The following KCNQ1 variants were observed in gnomAD, a reference collection of about 807,000 sequenced individuals.
KCNQ1 encodes potassium voltage-gated channel subfamily KQT member 1.
Under a neutral mutation model 72.4 loss-of-function variants are expected in KCNQ1, and 49 were observed. The ratio of observed to expected loss-of-function variants is 0.68; its 90% CI spans 0.54 to 0.86. The LOEUF (loss-of-function observed/expected upper bound fraction) is 0.86. KCNQ1 is among the 40% of genes least tolerant of loss of function. KCNQ1 has a pLI of 0.00. For missense variants in KCNQ1, 790 were observed against 945.1 expected (o/e 0.84, Z 2.15); for synonymous variants, 450 against 412.6 (o/e 1.09, Z -1.10).
chr11:2,755,899 A>G (rs990924232), intron 11 of KCNQ1, among the ~76,000 whole-genome samples: 4 of 152,266 alleles, frequency 2.6e-5, no homozygotes, highest in Non-Finnish European at 5.9e-5. Context: ...AGACAGAAAA[A>G]TGGCCAAAGA....
chr11:2,540,355 T>TG (rs1847804426), intron 2 of KCNQ1, among the ~76,000 whole-genome samples: 1 of 152,192 alleles, frequency 6.6e-6, no homozygotes, highest in African/African-American at 2.4e-5. Flanking sequence ...CTTTGCAGGT[T>TG]GGGGGGACAG....
chr11:2,461,453 T>C, intron 1 of KCNQ1: 2 of 1,286,532 alleles, frequency 1.6e-6, no homozygotes, highest in Non-Finnish European at 2.0e-6. Flanking sequence ...CTTCCTCCCC[T>C]GCAGCTTCCA....
chr11:2,723,024 C>T lies in KCNQ1; in HGVS notation c.1515-45820C>T, dbSNP rs186376786. Among the ~76,000 whole-genome samples, 14 of 152,318 alleles carry T rather than the reference C, an allele frequency of 9.2e-5. No homozygotes were observed. Among genetic ancestry groups the T allele is most frequent in the South Asian group, 4.1e-4 (2 of 4,834 alleles). ...ACCTCACACCCTTGTGGGCCAGCTG[C>T]GGCCCAAAAGCCTCCTGGCCTCCAT... On this transcript the variant is annotated intron_variant, in intron 11 of 15. Coordinates refer to ENST00000155840, the MANE Select transcript of KCNQ1 (RefSeq NM_000218.3). This position sits in a 1 kb window ranked among gnomAD's most constrained non-coding sequence, Gnocchi z 4.2.
intron 6 of KCNQ1, among the ~76,000 whole-genome samples, chr11:2,576,247 C>A (rs887090991): frequency 6.6e-6 from 1 of 152,212 alleles, no homozygotes; most frequent in Admixed American, 6.5e-5. Flanking sequence ...CCACAGCTGT[C>A]CAGCGAAGGC....
At position 2,488,672 on chromosome 11, in the gene KCNQ1, T is replaced by C. The variant is rs890433213; in HGVS notation, c.387-39256T>C. ...TCACAATACTCTCTTATAATCCTTT[T>C]TATTTCTGTAGAATTGATAGTCATG... is the stretch of plus-strand genomic sequence containing the variant. On this transcript the variant is annotated intron_variant, in intron 1 of 15. Coordinates refer to ENST00000155840, the MANE Select transcript of KCNQ1 (RefSeq NM_000218.3). This position sits in a 1 kb window ranked among gnomAD's most constrained non-coding sequence, Gnocchi z 5.1. 2.0e-5 allele frequency among the ~76,000 whole-genome samples: 3 copies of C among 152,224 alleles called. No homozygotes were observed. Among genetic ancestry groups the C allele is most frequent in the African/African-American group, 7.2e-5 (3 of 41,468 alleles).
chr11:2,609,167 A>G (rs1848933538), intron 10 of KCNQ1: 1 of 398,164 alleles, frequency 2.5e-6, no homozygotes, highest in South Asian at 1.3e-4. Context: ...TCATAGCTAT[A>G]AAATTCCATC....
intron 1 of KCNQ1, chr11:2,461,728 G>A: frequency 7.3e-7 from 1 of 1,366,668 alleles, no homozygotes. Context: ...GGTACCCCGG[G>A]GGTGGACAGA....
Position 2,507,684 on chromosome 11 carries a change from T to A in KCNQ1, c.387-20244T>A, listed in dbSNP as rs1419630450. ...CAGTAAGACCTGCAGGTGGGAGCTCTGGGGAGAGAGTGCGGGCTGGGCTCA... is the reference window on the plus strand; with the variant it reads ...CAGTAAGACCTGCAGGTGGGAGCTCAGGGGAGAGAGTGCGGGCTGGGCTCA... On this transcript the variant is annotated intron_variant, in intron 1 of 15. Coordinates refer to ENST00000155840, the MANE Select transcript of KCNQ1 (RefSeq NM_000218.3). This position sits in a 1 kb window ranked among gnomAD's most constrained non-coding sequence, Gnocchi z 5.4. Among the ~76,000 whole-genome samples the A allele has an allele frequency of 6.6e-6, 1 of 151,968 alleles. No homozygotes were observed. Among genetic ancestry groups the A allele is most frequent in the Admixed American group, 6.6e-5 (1 of 15,250 alleles).
At chr11:2,686,041 C>T (rs2133886229) in intron 11 of KCNQ1, 2 of 399,394 alleles carry the variant, frequency 5.0e-6, no homozygotes, top group Admixed American at 4.4e-5. Flanking sequence ...CCAGCTCGCA[C>T]CATCTGATGG....
intron 10 of KCNQ1, chr11:2,641,404 T>A (rs199515432): frequency 3.7e-4 from 146 of 398,376 alleles, no homozygotes; most frequent in East Asian, 1.4e-3. Context: ...CTTTTTTTTT[T>A]AAATATACCT....
intron 1 of KCNQ1, among the ~76,000 whole-genome samples, chr11:2,525,268 T>G (rs1262146194): frequency 1.3e-5 from 2 of 152,200 alleles, no homozygotes; most frequent in African/African-American, 4.8e-5. Flanking sequence ...CCAGTGCAGA[T>G]GGGCACTCAC....
Position 2,841,494 on chromosome 11 carries a change from A to G in KCNQ1, c.1795-6273A>G, listed in dbSNP as rs575975862. On this transcript the variant is annotated intron_variant, in intron 15 of 15. Coordinates refer to ENST00000155840, the MANE Select transcript of KCNQ1 (RefSeq NM_000218.3). ...GGCATGGGGGGCAGGCTCAGAGCAC[A>G]TGCTCCAGACCAGAGAGCCACAGAC... 2.0e-3 allele frequency among the ~76,000 whole-genome samples: 301 copies of G among 152,276 alleles called. 1 individual carries two copies. The highest frequency in any genetic ancestry group is 7.1e-3 in the African/African-American group (294 of 41,546).
rs907666229 is a variant in KCNQ1, at chr11:2,777,795, G to T, written c.1733-181G>T. ...CAGGTCCCCAGCTGCAGCCATGCCC[G>T]GCCACCGTACCACCCCTGGTATTTT... On this transcript the variant is annotated intron_variant, in intron 14 of 15. Coordinates refer to ENST00000155840, the MANE Select transcript of KCNQ1 (RefSeq NM_000218.3). 4.7e-6 allele frequency: 3 copies of T among 643,148 alleles called. No individual in the cohort carries two copies. The East Asian group carries it at 8.2e-5, about 17-fold the overall frequency. The allele number at this position is 643,148 out of a possible 1,614,324, so 39.8% of individuals were successfully genotyped here.
intron 1 of KCNQ1, among the ~76,000 whole-genome samples, chr11:2,514,683 C>G (rs564875432): frequency 6.6e-5 from 10 of 152,102 alleles, no homozygotes; most frequent in African/African-American, 2.4e-4. Context: ...AAAATTAGCC[C>G]GGCGTGGTGG....
chr11:2,813,185 G>A lies in KCNQ1; in HGVS notation c.1795-34582G>A, dbSNP rs151213861. The stretch of plus-strand genomic sequence containing the variant: ...TTCCTCTTGGCACCATGAGTCACCT[G>A]TCAAACTGAGGGGCTGGCAGAGCTG... On this transcript the variant is annotated intron_variant, in intron 15 of 15. Transcript: ENST00000155840. This position sits in a 1 kb window ranked among gnomAD's most constrained non-coding sequence, Gnocchi z 4.4. Among the ~76,000 whole-genome samples, 181 of 152,324 alleles carry A rather than the reference G, an allele frequency of 1.2e-3. No homozygotes were observed. Among genetic ancestry groups the A allele is most frequent in the Non-Finnish European group, 2.0e-3 (136 of 68,034 alleles).
intron 11 of KCNQ1, among the ~76,000 whole-genome samples, chr11:2,743,417 G>A (rs1270451111): frequency 1.3e-5 from 2 of 152,228 alleles, no homozygotes; most frequent in Non-Finnish European, 2.9e-5. Flanking sequence ...GTTCACTTAG[G>A]GGTAGAAATT....
Position 2,652,346 on chromosome 11 carries a change from C to A in KCNQ1, c.1394-9615C>A. 2 of 398,600 alleles carry A rather than the reference C, an allele frequency of 5.0e-6. No individual in the cohort carries two copies. The highest frequency in any genetic ancestry group is 8.8e-6 in the Non-Finnish European group (2 of 226,072). The allele number at this position is 398,600 out of a possible 1,614,324, so 24.7% of individuals were successfully genotyped here. A position where few individuals can be genotyped will look rare whatever the true frequency, so the allele number is the denominator to read the frequency against. ...GAAGTTAAGAACTGGCACATTTCCG[C>A]GATGTTGTGATGAAGGTGAAAAGAT... On this transcript the variant is annotated intron_variant, in intron 10 of 15. Coordinates refer to ENST00000155840, the MANE Select transcript of KCNQ1 (RefSeq NM_000218.3). The surrounding 1 kb of genome is among the most constrained non-coding windows in gnomAD (Gnocchi z 5.9).
intron 11 of KCNQ1, among the ~76,000 whole-genome samples, chr11:2,739,845 A>T (rs1398324460): frequency 1.3e-5 from 2 of 152,232 alleles, no homozygotes; most frequent in Non-Finnish European, 2.9e-5. Flanking sequence ...CTTTCTGCAG[A>T]TGTAGCTTGG....
intron 11 of KCNQ1, among the ~76,000 whole-genome samples, chr11:2,756,724 T>C (rs1052555719): frequency 4.6e-5 from 7 of 152,202 alleles, no homozygotes; most frequent in Middle Eastern, 3.4e-3. Flanking sequence ...AGTGCTGGAA[T>C]TACAGGTGTG....
Sources: gnomAD v4.1 joint callset for allele counts (sites outside exome capture counted in the v4.1 genomes callset) on GRCh38, gnomAD v4.1.1 for gene constraint, Gnocchi (gnomAD v3.1) non-coding constraint, MANE v1.5 for transcripts, NCBI Gene and HGNC (gene_info 2026-07-23, HGNC 2026-07-21) for gene names.